CAMK2D: variants seen among roughly 807,000 people sequenced by gnomAD.
CAMK2D encodes calcium/calmodulin-dependent protein kinase type II subunit delta.
In CAMK2D, 37 loss-of-function variants were observed where a neutral mutation model predicts 84.0. The observed-to-expected ratio is 0.44, with a 90% confidence interval of 0.34 to 0.58. The LOEUF (loss-of-function observed/expected upper bound fraction) is 0.58. Ranked by LOEUF, CAMK2D falls within the 20% of genes least tolerant of loss-of-function variation. The pLI, the probability that CAMK2D is intolerant of heterozygous loss-of-function variation, is 0.02. For synonymous variants in CAMK2D, 202 were observed against 212.5 expected (o/e 0.95, Z 0.43); for missense variants, 448 against 652.5 (o/e 0.69, Z 3.41).
chr4:113,734,533 A>T (rs1056485281), intron 2 of CAMK2D, among the ~76,000 whole-genome samples: 2 of 152,192 alleles, frequency 1.3e-5, no homozygotes, highest in Non-Finnish European at 2.9e-5. Flanking sequence ...CATATATACA[A>T]ATTACTTAAC....
chr4:113,503,429 G>GT, intron 14 of CAMK2D: 1 of 360,730 alleles, frequency 2.8e-6, no homozygotes, highest in Admixed American at 3.4e-5. Flanking sequence ...CTCGATTATG[G>GT]TGTCATTAAT....
chr4:113,454,733 A>AT (rs1015719407), intron 20 of CAMK2D, among the ~76,000 whole-genome samples: 27 of 152,180 alleles, frequency 1.8e-4, no homozygotes, highest in African/African-American at 6.5e-4. Context: ...AGTATTAATT[A>AT]TTTTTTCACA....
At chr4:113,484,044 G>A (rs1180225265) in intron 16 of CAMK2D, among the ~76,000 whole-genome samples, 5 of 152,040 alleles carry the variant, frequency 3.3e-5, no homozygotes, top group Non-Finnish European at 7.4e-5. Context: ...TGAAATCTGT[G>A]GGGCATTCTG....
At chr4:113,531,659 C>G (rs1489707799) in intron 7 of CAMK2D, among the ~76,000 whole-genome samples, 1 of 152,110 alleles carries the variant, frequency 6.6e-6, no homozygotes, top group African/African-American at 2.4e-5. Flanking sequence ...GAGAAGAACT[C>G]ACCAGGAGAA....
chr4:113,509,395 A>G (rs931977903), intron 13 of CAMK2D, among the ~76,000 whole-genome samples: 1 of 152,222 alleles, frequency 6.6e-6, no homozygotes, highest in African/African-American at 2.4e-5. Flanking sequence ...GGAACTCTAT[A>G]TTGTATAACA....
intron 4 of CAMK2D, among the ~76,000 whole-genome samples, chr4:113,570,900 G>C (rs2098750183): frequency 6.6e-6 from 1 of 152,086 alleles, no homozygotes; most frequent in Admixed American, 6.6e-5. Context: ...CCATACATCT[G>C]ATAATAGGTT....
In CAMK2D at chr4:113,547,696, A is replaced by G. The variant is rs1156611576; in HGVS notation, c.362T>C (p.Leu121Pro). 3.2e-6 allele frequency: 5 copies of G among 1,563,220 alleles called. No individual in the cohort carries two copies. Among genetic ancestry groups the G allele is most frequent in the South Asian group, 1.2e-5 (1 of 85,576 alleles). ...ADASHCIQQI[L>P]EAVLHCHQMG... is the part of the protein sequence containing the mutation. ...CTGATGGCAGTGTAGCACAGCCTCC[A>G]GGATCTGCTGAATGCAATGACTGCA... The change falls in exon 6 of 21, where the codon CTG (leucine) becomes CCG (proline). Residue 121 changes from leucine to proline, a missense_variant. Physicochemically the swap from Leu to Pro is moderately conservative, Grantham distance 98. Around this residue, in one of 7 missense-constraint regions of CAMK2D, gnomAD observed 60 missense variants for 70.0 expected, o/e 0.86. Coordinates refer to ENST00000511664, the MANE Select transcript of CAMK2D (RefSeq NM_001321571.2).
chr4:113,612,529 G>A (rs1358706400), intron 3 of CAMK2D, among the ~76,000 whole-genome samples: 2 of 152,112 alleles, frequency 1.3e-5, no homozygotes, highest in Admixed American at 6.6e-5. Context: ...ACTGCACCTC[G>A]TTCTTTCTAT....
intron 18 of CAMK2D, among the ~76,000 whole-genome samples, chr4:113,459,675 G>C (rs897082970): frequency 1.9e-5 from 2 of 103,950 alleles, no homozygotes; most frequent in Non-Finnish European, 3.8e-5. Context: ...TTTCACTCTT[G>C]TTGCCCAGGC....
At chr4:113,749,061 T>C (rs948142598) in intron 2 of CAMK2D, among the ~76,000 whole-genome samples, 1 of 151,868 alleles carries the variant, frequency 6.6e-6, no homozygotes, top group South Asian at 2.1e-4. Context: ...CAAATCACTA[T>C]TGCCACTATG....
intron 3 of CAMK2D, among the ~76,000 whole-genome samples, chr4:113,652,184 T>C (rs565284674): frequency 6.6e-6 from 1 of 152,356 alleles, no homozygotes; most frequent in South Asian, 2.1e-4. Flanking sequence ...ATTTACTAAC[T>C]GCCTGATCTT....
At position 113,661,709 on chromosome 4, in the gene CAMK2D, T is replaced by C; in HGVS notation, c.220+4A>G. On this transcript the variant is annotated splice_donor_region_variant and intron_variant, in intron 3 of 20. Coordinates refer to ENST00000511664, the MANE Select transcript of CAMK2D (RefSeq NM_001321571.2). ...TTTAAAAAACATTAAAAATACGTTC[T>C]CACCAATATTAGGGTGCTTCAAAAG... 1 of 1,329,342 alleles carries C rather than the reference T, an allele frequency of 7.5e-7. No homozygotes were observed. The highest frequency in any genetic ancestry group is 1.0e-6 in the Non-Finnish European group (1 of 969,282). 82.3% of individuals were successfully genotyped at this position (1,329,342 alleles called of 1,614,324 possible).
intron 3 of CAMK2D, among the ~76,000 whole-genome samples, chr4:113,627,397 T>G (rs1406790114): frequency 6.6e-6 from 1 of 152,176 alleles, no homozygotes; most frequent in Admixed American, 6.6e-5. Context: ...TAAACCACTG[T>G]TCCTGGGGGA....
chr4:113,515,234 A>G, intron 9 of CAMK2D, 43 bp from the exon 10 acceptor site: 1 of 1,383,436 alleles, frequency 7.2e-7, no homozygotes, highest in Non-Finnish European at 1.0e-6. Context: ...AAATAGACAC[A>G]CTCGATCAAA....
intron 3 of CAMK2D, among the ~76,000 whole-genome samples, chr4:113,655,465 T>C (rs1024132918): frequency 2.0e-5 from 3 of 152,068 alleles, no homozygotes; most frequent in Admixed American, 1.3e-4. Flanking sequence ...AAAGGTTACA[T>C]AGCTCTTCCA....
At chr4:113,709,413 C>G (rs2099479762) in intron 2 of CAMK2D, among the ~76,000 whole-genome samples, 1 of 151,676 alleles carries the variant, frequency 6.6e-6, no homozygotes, top group South Asian at 2.1e-4. Context: ...ATACTTGTCC[C>G]ACATCTTGCA....
intron 14 of CAMK2D, 183 bp from the exon 15 acceptor site, chr4:113,503,160 C>A (rs2098080333): frequency 1.4e-6 from 1 of 723,888 alleles, no homozygotes; most frequent in Admixed American, 1.9e-5. Context: ...CCTGGCGAGG[C>A]CATGAGATAG....
intron 16 of CAMK2D, among the ~76,000 whole-genome samples, chr4:113,483,447 G>A (rs1321044202): frequency 2.0e-5 from 3 of 150,630 alleles, no homozygotes; most frequent in African/African-American, 7.4e-5. Flanking sequence ...CTTTTGTCGC[G>A]CAGGCTGGAG....
chr4:113,551,122 T>C (rs1178167744), intron 5 of CAMK2D, among the ~76,000 whole-genome samples: 1 of 152,078 alleles, frequency 6.6e-6, no homozygotes, highest in East Asian at 1.9e-4. Context: ...AATGAGCCAA[T>C]CACTCTTGAT....
Sources: gnomAD v4.1 joint callset for allele counts (sites outside exome capture counted in the v4.1 genomes callset) on GRCh38, gnomAD v4.1.1 for gene constraint, gnomAD v4.1.1 regional missense constraint, MANE v1.5 for transcripts, NCBI Gene and HGNC (gene_info 2026-07-23, HGNC 2026-07-21) for gene names.